PRKCA: variants seen among roughly 807,000 people sequenced by gnomAD.
PRKCA encodes protein kinase C alpha type.
Under a neutral mutation model 87.0 loss-of-function variants are expected in PRKCA, and 27 were observed. That is an observed-to-expected ratio of 0.31 (90% CI 0.23 to 0.43). The LOEUF (loss-of-function observed/expected upper bound fraction) is 0.43. Among genes scored for constraint, PRKCA ranks in the 20% least tolerant of loss-of-function variants. The probability of loss-of-function intolerance (pLI) is 1.00; values close to 1 mark genes in which losing one functional copy is unlikely to be tolerated. For synonymous variants in PRKCA, 329 were observed against 311.1 expected, an observed-to-expected ratio of 1.06 and a Z score of -0.61; for missense variants, 518 against 852.3, an observed-to-expected ratio of 0.61 and a Z score of 4.88.
At chr17:66,691,790 C>G (rs1288927388) in intron 8 of PRKCA, among the ~76,000 whole-genome samples, 1 of 152,142 alleles carries the variant, frequency 6.6e-6, no homozygotes, top group African/African-American at 2.4e-5. Flanking sequence ...AGAGTGCATT[C>G]GAGGGAGGAA....
chr17:66,731,782 T>C (rs1190508860), intron 8 of PRKCA, among the ~76,000 whole-genome samples: 14 of 134,422 alleles, frequency 1.0e-4, no homozygotes, highest in African/African-American at 3.9e-4. Context: ...TTTCTTTTTT[T>C]TTTTTTTTTT....
intron 3 of PRKCA, among the ~76,000 whole-genome samples, chr17:66,626,178 CTTTT>C (rs1240049723): frequency 1.3e-5 from 2 of 151,470 alleles, no homozygotes; most frequent in Non-Finnish European, 2.9e-5. Flanking sequence ...TTCCTTTTTT[CTTTT>C]GTCTTCCTCT....
Position 66,393,529 on chromosome 17 carries a change from T to C in PRKCA, c.205+87402T>C, listed in dbSNP as rs537728385. On this transcript the variant is annotated intron_variant, in intron 2 of 16. Coordinates refer to ENST00000413366, the MANE Select transcript of PRKCA (RefSeq NM_002737.3). ...CGGAGGGATGGGACGGCCTGTCGTTTCCTGACGTTGACTGACTTGAGTGCA... is the reference window on the plus strand; with the variant it reads ...CGGAGGGATGGGACGGCCTGTCGTTCCCTGACGTTGACTGACTTGAGTGCA... 5.9e-5 allele frequency among the ~76,000 whole-genome samples: 9 copies of C among 152,320 alleles called. No individual in the cohort carries two copies. The East Asian group carries it at 1.7e-3, about 29-fold the overall frequency.
chr17:66,437,399 T>C (rs979847460), intron 2 of PRKCA, among the ~76,000 whole-genome samples: 2 of 152,228 alleles, frequency 1.3e-5, no homozygotes, highest in Non-Finnish European at 2.9e-5. Context: ...TTTGTTTTGT[T>C]TTTCAAATGA....
chr17:66,329,295 G>A (rs1016252880), intron 2 of PRKCA, among the ~76,000 whole-genome samples: 8 of 152,148 alleles, frequency 5.3e-5, no homozygotes, highest in African/African-American at 1.4e-4. Flanking sequence ...ACCAGGTTTC[G>A]GGGAAGACCA....
At chr17:66,511,962 T>G (rs1917252900) in intron 3 of PRKCA, among the ~76,000 whole-genome samples, 1 of 152,150 alleles carries the variant, frequency 6.6e-6, no homozygotes, top group Non-Finnish European at 1.5e-5. Context: ...ATTACAGGCA[T>G]GAGCTACTGT....
intron 2 of PRKCA, among the ~76,000 whole-genome samples, chr17:66,310,844 G>T (rs969227351): frequency 1.3e-5 from 2 of 152,178 alleles, no homozygotes; most frequent in African/African-American, 4.8e-5. Flanking sequence ...TCTGAGAGCT[G>T]AGTTGTATGG....
At chr17:66,588,645 T>A in intron 3 of PRKCA, among the ~76,000 whole-genome samples, 1 of 135,634 alleles carries the variant, frequency 7.4e-6, no homozygotes, top group East Asian at 2.1e-4. Flanking sequence ...CTTTTTTTTT[T>A]TTTTTTTTTT....
At chr17:66,699,062 AGTAGCATG>A (rs372099342) in intron 8 of PRKCA, among the ~76,000 whole-genome samples, 9,559 of 151,944 alleles carry the variant, frequency 0.063, 353 homozygotes, top group East Asian at 0.17. Context: ...AGCCAGGCAC[AGTAGCATG>A]TGCCTGTAGT....
At chr17:66,402,414 ATTTTT>A (rs368233389) in intron 2 of PRKCA, among the ~76,000 whole-genome samples, 2 of 133,678 alleles carry the variant, frequency 1.5e-5, no homozygotes, top group Non-Finnish European at 3.1e-5. Context: ...AGGCCAAGAA[ATTTTT>A]TTTTTTTTTT....
At chr17:66,644,644 A>C (rs935788855) in intron 4 of PRKCA, among the ~76,000 whole-genome samples, 4 of 152,178 alleles carry the variant, frequency 2.6e-5, no homozygotes, top group African/African-American at 9.7e-5. Flanking sequence ...ATATTTGAAG[A>C]TAGGTTTAAA....
intron 1 of PRKCA, among the ~76,000 whole-genome samples, chr17:66,303,691 C>CA (rs1904644323): frequency 6.6e-6 from 1 of 152,060 alleles, no homozygotes; most frequent in South Asian, 2.1e-4. Context: ...GGCACAAGGG[C>CA]AGAGGGACTC....
chr17:66,368,998 T>G (rs1908933681), intron 2 of PRKCA, among the ~76,000 whole-genome samples: 1 of 152,166 alleles, frequency 6.6e-6, no homozygotes, highest in African/African-American at 2.4e-5. Context: ...AGCTTTCTTC[T>G]CAAGCATCTC....
At chr17:66,560,332 G>A (rs557297296) in intron 3 of PRKCA, among the ~76,000 whole-genome samples, 1 of 152,162 alleles carries the variant, frequency 6.6e-6, no homozygotes, top group Non-Finnish European at 1.5e-5. Context: ...AATTTAAAAT[G>A]TAAATACAAA....
chr17:66,786,252 G>A (rs1032395824), intron 14 of PRKCA, among the ~76,000 whole-genome samples: 2 of 152,198 alleles, frequency 1.3e-5, no homozygotes, highest in Admixed American at 6.5e-5. Context: ...CGGGGCCACC[G>A]TGCCTTCCTC....
chr17:66,595,528 C>G (rs1336387977), intron 3 of PRKCA, among the ~76,000 whole-genome samples: 2 of 140,204 alleles, frequency 1.4e-5, no homozygotes, highest in South Asian at 4.8e-4. Context: ...GGCGCAATCT[C>G]GGCTCACTGC....
At chr17:66,335,240 G>A (rs781087885) in intron 2 of PRKCA, among the ~76,000 whole-genome samples, 30 of 151,988 alleles carry the variant, frequency 2.0e-4, no homozygotes, top group Middle Eastern at 3.4e-3. Context: ...CCATCCTCCC[G>A]TCTCAGCCTC....
intron 2 of PRKCA, among the ~76,000 whole-genome samples, chr17:66,450,478 T>G (rs746324571): frequency 2.6e-5 from 4 of 152,078 alleles, no homozygotes; most frequent in Non-Finnish European, 5.9e-5. Flanking sequence ...CCCACAGGTG[T>G]GTGGTCAGAG....
At chr17:66,624,829 G>A (rs1022747175) in intron 3 of PRKCA, among the ~76,000 whole-genome samples, 4 of 144,824 alleles carry the variant, frequency 2.8e-5, no homozygotes, top group African/African-American at 1.0e-4. Context: ...TAAATAAAAA[G>A]AATTATTTGC....
Sources: gnomAD v4.1 joint callset for allele counts (sites outside exome capture counted in the v4.1 genomes callset) on GRCh38, gnomAD v4.1.1 for gene constraint, MANE v1.5 for transcripts, NCBI Gene and HGNC (gene_info 2026-07-23, HGNC 2026-07-21) for gene names.